The following CEP89 variants were observed in gnomAD, a reference collection of about 807,000 sequenced individuals.
CEP89 encodes the protein centrosomal protein 89.
CEP89 carries 95 observed loss-of-function variants against 97.6 expected under a neutral mutation model. The observed-to-expected ratio is 0.97, with a 90% CI of 0.82 to 1.15. The LOEUF (loss-of-function observed/expected upper bound fraction) is 1.15. Ranked by LOEUF, CEP89 falls within the 50% of genes most tolerant of loss-of-function variation. The probability of loss-of-function intolerance (pLI) is 0.00; values close to 1 mark genes in which losing one functional copy is unlikely to be tolerated. For missense variants in CEP89, 869 were observed against 947.7 expected, an observed-to-expected ratio of 0.92 and a Z score of 1.09; for synonymous variants, 354 against 349.1, an observed-to-expected ratio of 1.01 and a Z score of -0.16.
intron 14 of CEP89, among the ~76,000 whole-genome samples, chr19:32,911,884 A>G (rs1970008328): frequency 6.6e-6 from 1 of 152,158 alleles, no homozygotes; most frequent in Non-Finnish European, 1.5e-5. Flanking sequence ...ACCGTTTAAA[A>G]CATTATTTCC....
chr19:32,894,188 G>T (rs1226861986), intron 16 of CEP89, among the ~76,000 whole-genome samples: 4 of 152,074 alleles, frequency 2.6e-5, no homozygotes, highest in African/African-American at 9.7e-5. Flanking sequence ...AGAGAAAATG[G>T]ATACATTTCT....
Position 32,967,421 on chromosome 19 carries a change from G to A in CEP89, c.40-955C>T, listed in dbSNP as rs183715402. ...AAACCTTGTCTTCATCCCCAAAGTG[G>A]TGAGAAGGGAGGAAAAACACCCAAA... On this transcript the variant is annotated intron_variant, in intron 1 of 18. Transcript: ENST00000305768. Among the ~76,000 whole-genome samples the A allele has an allele frequency of 3.7e-3, 556 of 151,946 alleles. 3 individuals carry two copies. The highest frequency in any genetic ancestry group is 0.013 in the African/African-American group (522 of 41,418).
At position 32,960,075 on chromosome 19, in the gene CEP89, C is replaced by T. The variant is rs150748673; in HGVS notation, c.147-17G>A. ...AGAGCAGATCTGCGGACAAAAACAT[C>T]CCATGGAGACAGTGAGACATGAACA... is the stretch of plus-strand genomic sequence containing the variant. On this transcript the variant is annotated splice_polypyrimidine_tract_variant and intron_variant, in intron 2 of 18. Transcript: ENST00000305768. The T allele has an allele frequency of 6.2e-7, 1 of 1,613,708 alleles. No homozygotes were observed. Among genetic ancestry groups the T allele is most frequent in the African/African-American group, 1.3e-5 (1 of 75,052 alleles).
At chr19:32,920,326 C>T (rs1027372356) in intron 12 of CEP89, among the ~76,000 whole-genome samples, 3 of 150,964 alleles carry the variant, frequency 2.0e-5, no homozygotes, top group East Asian at 4.0e-4. Context: ...GTGCTCCTCC[C>T]ACCTCGGCCT....
chr19:32,887,209 GT>G lies in CEP89; in HGVS notation c.1965+542del, dbSNP rs1234142971. ...CTGTCTCTCCTTTTATTGGTGTTTT[GT>G]TTTGTTTTGGTTTTGGTTTTTTTTT... On this transcript the variant is annotated intron_variant, in intron 17 of 18. Coordinates refer to ENST00000305768, the MANE Select transcript of CEP89 (RefSeq NM_032816.5). Among the ~76,000 whole-genome samples the G allele has an allele frequency of 4.6e-5, 7 of 151,038 alleles. No homozygotes were observed. The South Asian group carries it at 1.5e-3, about 32-fold the overall frequency.
At chr19:32,887,729 T>G (rs756067124) in intron 17 of CEP89, 23 bp downstream of exon 17, 2 of 1,491,336 alleles carry the variant, frequency 1.3e-6, no homozygotes, top group South Asian at 1.1e-5. Context: ...AAATGAAATC[T>G]CTGAGGCCAA....
Position 32,914,296 on chromosome 19 carries a change from A to AT in CEP89, c.1565+1040dup, listed in dbSNP as rs560436990. The stretch of plus-strand genomic sequence containing the variant: ...AGTTTTACTATTTTATTTATTTATC[A>AT]TTTTTTGAGATAGGAGACAGGGTCT... On this transcript the variant is annotated intron_variant, in intron 14 of 18. Transcript: ENST00000305768. 1.2e-4 allele frequency among the ~76,000 whole-genome samples: 18 copies of AT among 151,742 alleles called. No homozygotes were observed. The East Asian group carries it at 3.5e-3, about 30-fold the overall frequency.
At chr19:32,899,595 T>C (rs1275093577) in intron 16 of CEP89, among the ~76,000 whole-genome samples, 1 of 152,176 alleles carries the variant, frequency 6.6e-6, no homozygotes, top group Non-Finnish European at 1.5e-5. Flanking sequence ...CTACATTTTT[T>C]AAGCTTTATA....
chr19:32,929,339 T>C (rs552477150), intron 9 of CEP89, among the ~76,000 whole-genome samples: 35 of 152,206 alleles, frequency 2.3e-4, no homozygotes, highest in African/African-American at 7.9e-4. Flanking sequence ...TGGTGGTTCA[T>C]GCCTGTAATC....
At chr19:32,895,989 A>G (rs1451906055) in intron 16 of CEP89, among the ~76,000 whole-genome samples, 3 of 152,316 alleles carry the variant, frequency 2.0e-5, no homozygotes, top group South Asian at 2.1e-4. Flanking sequence ...ATGGAAAGAC[A>G]TCCCATGATC....
At chr19:32,937,387 T>C in intron 7 of CEP89, 1 of 456,810 alleles carries the variant, frequency 2.2e-6, no homozygotes, top group Non-Finnish European at 3.9e-6. Flanking sequence ...TCCCCCAGGA[T>C]CCCAGCATAT....
chr19:32,887,883 A>G, intron 16 of CEP89, 42 bp from the exon 17 acceptor site: 1 of 1,120,442 alleles, frequency 8.9e-7, no homozygotes. Context: ...TTTTACAGAA[A>G]AATTGAAATA....
Position 32,960,014 on chromosome 19 carries a change from C to A in CEP89, c.191G>T (p.Arg64Leu), listed in dbSNP as rs116019599. 8.7e-5 allele frequency: 141 copies of A among 1,614,240 alleles called. No individual in the cohort carries two copies. In the Middle Eastern group the frequency reaches 9.9e-4, roughly 11 times the overall value. Residue 64 changes from arginine (R) to leucine (L), a missense_variant, in exon 3 of 19, where the codon CGG (arginine) becomes CTG (leucine). Physicochemically the swap from Arg to Leu is moderately radical, Grantham distance 102. Coordinates refer to ENST00000305768, the MANE Select transcript of CEP89 (RefSeq NM_032816.5). ...GCGAGGCTGAGGAATAGCAACCGTC[C>A]GCCCAGTCAATGTTGTCGCCAGAAT... ...AAILATTLTG[R>L]TVAIPQPRQR...
chr19:32,935,191 C>T (rs2145933148), intron 7 of CEP89, among the ~76,000 whole-genome samples: 1 of 152,300 alleles, frequency 6.6e-6, no homozygotes, highest in African/African-American at 2.4e-5. Flanking sequence ...CGGTGGGCCT[C>T]ACATCCTGTC....
intron 15 of CEP89, 79 bp from the exon 16 acceptor site, chr19:32,900,077 A>G: frequency 7.6e-7 from 1 of 1,319,204 alleles, no homozygotes. Context: ...CTGTATTACA[A>G]AAACAGCAAG....
At chr19:32,896,019 A>G (rs1025433235) in intron 16 of CEP89, among the ~76,000 whole-genome samples, 10 of 152,206 alleles carry the variant, frequency 6.6e-5, no homozygotes, top group African/African-American at 2.2e-4. Flanking sequence ...AAGAATTAAC[A>G]TCATTAAAAT....
chr19:32,909,160 T>C (rs565025286), intron 14 of CEP89, among the ~76,000 whole-genome samples: 121 of 152,332 alleles, frequency 7.9e-4, no homozygotes, highest in Non-Finnish European at 1.4e-3. Context: ...TTACTCAAGA[T>C]GAAGGTGGGA....
intron 7 of CEP89, among the ~76,000 whole-genome samples, chr19:32,933,875 G>C (rs1970528065): frequency 6.6e-6 from 1 of 152,172 alleles, no homozygotes; most frequent in Non-Finnish European, 1.5e-5. Flanking sequence ...GGGGAGGCCA[G>C]AAAGGGAGGC....
chr19:32,885,717 A>G (rs995382056), intron 17 of CEP89, among the ~76,000 whole-genome samples: 6 of 152,200 alleles, frequency 3.9e-5, no homozygotes, highest in Non-Finnish European at 7.3e-5. Context: ...CTTTCAGGAC[A>G]TAGATTCAAG....
Sources: gnomAD v4.1 joint callset for allele counts (sites outside exome capture counted in the v4.1 genomes callset) on GRCh38, gnomAD v4.1.1 for gene constraint, MANE v1.5 for transcripts, NCBI Gene and HGNC (gene_info 2026-07-23, HGNC 2026-07-21) for gene names.